PCDHGA8: variants seen among roughly 807,000 people sequenced by gnomAD.
PCDHGA8 encodes protocadherin gamma subfamily A, 8.
Under a neutral mutation model 59.2 loss-of-function variants are expected in PCDHGA8, and 45 were observed. That is an observed-to-expected ratio of 0.76 (90% CI 0.60 to 0.98). The LOEUF is 0.98. Among genes scored for constraint, PCDHGA8 ranks in the 50% least tolerant of loss-of-function variants. The pLI is 0.00. For missense variants in PCDHGA8, 1,257 were observed against 1,196.2 expected (o/e 1.05, Z -0.75); for synonymous variants, 531 against 519.0 (o/e 1.02, Z -0.32).
In PCDHGA8 at chr5:141,433,051, G is replaced by A. The variant is rs754102028; in HGVS notation, c.2424+37814G>A. The A allele has an allele frequency of 1.8e-5, 29 of 1,614,066 alleles. No homozygotes were observed. In the East Asian group the frequency reaches 2.5e-4, roughly 14 times the overall value. On this transcript the variant is annotated intron_variant, in intron 1 of 3. Transcript: ENST00000398604. ...AGGTTTCCCTCACCACGGACTCGCG[G>A]AAGAGTCACCTGATCTTCCCCCAGC...
intron 1 of PCDHGA8, among the ~76,000 whole-genome samples, chr5:141,434,029 A>C (rs970204484): frequency 2.6e-5 from 4 of 152,126 alleles, no homozygotes; most frequent in Admixed American, 2.6e-4. Context: ...TTCTGGAAGC[A>C]TGGTTTTCTA....
intron 1 of PCDHGA8, chr5:141,404,048 ATTC>A (rs1247713760): frequency 1.9e-6 from 3 of 1,613,866 alleles, no homozygotes; most frequent in South Asian, 1.1e-5. Flanking sequence ...GGGAACAGTA[ATTC>A]TTCTTTTCAA....
At chr5:141,418,536 C>G (rs1196331424) in intron 1 of PCDHGA8, 6 of 1,614,026 alleles carry the variant, frequency 3.7e-6, no homozygotes, top group South Asian at 1.1e-5. Flanking sequence ...AGCGGTACTG[C>G]TCAGATAAGA....
At chr5:141,424,068 G>T in intron 1 of PCDHGA8, 1 of 993,858 alleles carries the variant, frequency 1.0e-6, no homozygotes. Flanking sequence ...TCACTGATTT[G>T]TAGTTATATT....
chr5:141,408,446 G>C (rs371079756), intron 1 of PCDHGA8: 180 of 1,613,946 alleles, frequency 1.1e-4, no homozygotes, highest in Non-Finnish European at 1.5e-4. Context: ...CGCGGAGAGC[G>C]GGGACTTACT....
At chr5:141,399,415 T>C in intron 1 of PCDHGA8, 1 of 1,613,974 alleles carries the variant, frequency 6.2e-7, no homozygotes, top group Non-Finnish European at 8.5e-7. Context: ...GCCCCTCTCC[T>C]CCAGCATAAG....
rs1391608601 is a variant in PCDHGA8 at position 141,511,893 on chromosome 5, A to G, written c.*720A>G. The G allele has an allele frequency of 6.4e-6, 1 of 155,062 alleles. No homozygotes were observed. Among genetic ancestry groups the G allele is most frequent in the East Asian group, 1.9e-4 (1 of 5,240 alleles). 9.6% of individuals were successfully genotyped at this position (155,062 alleles called of 1,614,324 possible). A position where few individuals can be genotyped will look rare whatever the true frequency, so the allele number is the denominator to read the frequency against. On this transcript the variant is annotated 3_prime_UTR_variant, in exon 4 of 4. Transcript: ENST00000398604. ...TCCACTGCATGCCTTGACTTCCCCC[A>G]CCTCCTCCTCAAACAAGAGACTCCA...
intron 1 of PCDHGA8, chr5:141,426,591 A>G: frequency 1.4e-5 from 5 of 369,676 alleles, no homozygotes; most frequent in South Asian, 7.9e-5. Context: ...CCTCTGTGTC[A>G]TACCCTTAGA....
chr5:141,400,454 T>C (rs779993462), intron 1 of PCDHGA8: 1 of 1,614,096 alleles, frequency 6.2e-7, no homozygotes, highest in Non-Finnish European at 8.5e-7. Flanking sequence ...CAAGACATAC[T>C]TTGTGGTGAT....
chr5:141,394,385 G>C lies in PCDHGA8; in HGVS notation c.1572G>C (p.Gln524His). ...CGCTGCAATCTTTCGACTATGAGCA[G>C]ATCCGAGACCTGCAGCTACTGGTAA... ...LYALQSFDYE[Q>H]IRDLQLLVTA... The change falls in exon 1 of 4, where the codon CAG becomes CAC. Residue 524 changes from glutamine to histidine, a missense_variant. By Grantham distance (24) the Gln-to-His change is conservative. Transcript: ENST00000398604. The C allele has an allele frequency of 6.2e-7, 1 of 1,614,206 alleles. No homozygotes were observed.
Position 141,393,783 on chromosome 5 carries a change from G to C in PCDHGA8, c.970G>C (p.Val324Leu). ...TGAAATGGAAATACAAGCCGAAGAT[G>C]TGGGGGCACTTCTGGGGAGGACCAA... ...FYEMEIQAED[V>L]GALLGRTKLL... is the part of the protein sequence containing the mutation. The change falls in exon 1 of 4, where the codon GTG becomes CTG. Residue 324 changes from valine to leucine, a missense_variant. Physicochemically the swap from Val to Leu is conservative, Grantham distance 32. Transcript: ENST00000398604. 1 of 1,613,982 alleles carries C rather than the reference G, an allele frequency of 6.2e-7. No individual in the cohort carries two copies.
Position 141,510,964 on chromosome 5 carries a change from T to C in PCDHGA8, c.2590T>C (p.Ser864Pro), listed in dbSNP as rs1237904575. 6.2e-7 allele frequency: 1 copy of C among 1,614,084 alleles called. No individual in the cohort carries two copies. Among genetic ancestry groups the C allele is most frequent in the South Asian group, 1.1e-5 (1 of 91,082 alleles). The change falls in exon 4 of 4, where the codon TCC becomes CCC. Residue 864 changes from serine to proline, a missense_variant. Coordinates refer to ENST00000398604, the MANE Select transcript of PCDHGA8 (RefSeq NM_032088.2). ...CTCTGCAGAAGCTGCTGATGGGAGC[T>C]CCACCCTGGGAGGGGGTGCCGGCAC... is the stretch of plus-strand genomic sequence containing the variant. The part of the protein sequence containing the change: ...ASASEAADGS[S>P]TLGGGAGTMG...
At chr5:141,410,340 T>C (rs1408707323) in intron 1 of PCDHGA8, 5 of 1,614,068 alleles carry the variant, frequency 3.1e-6, no homozygotes, top group Non-Finnish European at 2.5e-6. Context: ...GCCATTGCCT[T>C]GCGCCTGCGA....
At chr5:141,408,008 C>A in intron 1 of PCDHGA8, 2 of 949,842 alleles carry the variant, frequency 2.1e-6, no homozygotes, top group Non-Finnish European at 3.0e-6. Context: ...GGATTCCCTG[C>A]GCAGCCAACA....
intron 1 of PCDHGA8, chr5:141,415,818 A>G: frequency 2.3e-6 from 3 of 1,325,056 alleles, no homozygotes; most frequent in Middle Eastern, 2.8e-4. Context: ...CCTATATATC[A>G]TAAGGCTTTG....
rs2099610288 is a variant in PCDHGA8, at chr5:141,485,252, G to A, written c.2425-9555G>A. ...GTTCCTCTTTTACCACCTGGGTTAC[G>A]TTTGTGGGCAGATCCGCTACCCGGT... On this transcript the variant is annotated intron_variant, in intron 1 of 3. Coordinates refer to ENST00000398604, the MANE Select transcript of PCDHGA8 (RefSeq NM_032088.2). This position sits in a 1 kb window ranked among gnomAD's most constrained non-coding sequence, Gnocchi z 5.7. 6.2e-7 allele frequency: 1 copy of A among 1,614,042 alleles called. No individual in the cohort carries two copies. The highest frequency in any genetic ancestry group is 1.7e-5 in the Admixed American group (1 of 60,008).
chr5:141,423,929 G>C, intron 1 of PCDHGA8: 1 of 1,236,074 alleles, frequency 8.1e-7, no homozygotes, highest in East Asian at 3.5e-5. Flanking sequence ...TGCTGGTTTG[G>C]TTTGAAGTAA....
chr5:141,424,556 G>C (rs2096828013), intron 1 of PCDHGA8: 1 of 152,128 alleles, frequency 6.6e-6, no homozygotes, highest in South Asian at 2.1e-4. Context: ...TTGATTCAGT[G>C]CTTCTCAAAA....
intron 1 of PCDHGA8, chr5:141,403,093 C>T (rs1368239890): frequency 6.2e-7 from 1 of 1,614,072 alleles, no homozygotes; most frequent in Non-Finnish European, 8.5e-7. Flanking sequence ...TTGTGGGCAA[C>T]ATCTCCAAGG....
Sources: gnomAD v4.1 joint callset for allele counts (sites outside exome capture counted in the v4.1 genomes callset) on GRCh38, gnomAD v4.1.1 for gene constraint, Gnocchi (gnomAD v3.1) non-coding constraint, MANE v1.5 for transcripts, NCBI Gene and HGNC (gene_info 2026-07-23, HGNC 2026-07-21) for gene names.